SCAPER: variants seen among roughly 807,000 people sequenced by gnomAD.
The protein encoded by SCAPER is S-phase cyclin A associated protein in the ER.
In SCAPER, 98 loss-of-function variants were observed where a neutral mutation model predicts 182.2. The observed-to-expected ratio is 0.54, with a 90% confidence interval of 0.46 to 0.64. The LOEUF is 0.64. Ranked by LOEUF, SCAPER falls within the 30% of genes least tolerant of loss-of-function variation. The pLI, the probability that SCAPER is intolerant of heterozygous loss-of-function variation, is 0.00. For missense variants in SCAPER, 1,432 were observed against 1,690.0 expected, an observed-to-expected ratio of 0.85 and a Z score of 2.68; for synonymous variants, 605 against 564.6, an observed-to-expected ratio of 1.07 and a Z score of -1.01.
At chr15:76,645,451 C>T (rs1408752908) in intron 21 of SCAPER, among the ~76,000 whole-genome samples, 1 of 151,938 alleles carries the variant, frequency 6.6e-6, no homozygotes, top group Admixed American at 6.6e-5. Flanking sequence ...AGACTACTTG[C>T]ATTTTGCTCA....
intron 22 of SCAPER, among the ~76,000 whole-genome samples, chr15:76,608,993 C>T (rs1165633009): frequency 1.3e-5 from 2 of 152,324 alleles, no homozygotes; most frequent in South Asian, 2.1e-4. Context: ...ATGCCTCGCC[C>T]TGCTTCGGCT....
Position 76,632,962 on chromosome 15 carries a change from AC to A in SCAPER, c.2646-11134del, listed in dbSNP as rs554789985. Among the ~76,000 whole-genome samples the A allele has an allele frequency of 3.0e-3, 451 of 151,750 alleles. 1 individual carries two copies. The highest frequency in any genetic ancestry group is 5.7e-3 in the Non-Finnish European group (385 of 67,880). ...GCTCAATTTTGTATTTTTAATAGAG[AC>A]AGGGTTTCACCATATTGGCCAGGCT... On this transcript the variant is annotated intron_variant, in intron 21 of 31. Transcript: ENST00000563290.
chr15:76,363,944 C>G (rs1458707760), intron 29 of SCAPER, among the ~76,000 whole-genome samples: 1 of 152,104 alleles, frequency 6.6e-6, no homozygotes, highest in Non-Finnish European at 1.5e-5. Flanking sequence ...GGCCTAGGAG[C>G]AATATGACAA....
At chr15:76,376,889 CA>C (rs1200402596) in intron 28 of SCAPER, among the ~76,000 whole-genome samples, 1 of 152,170 alleles carries the variant, frequency 6.6e-6, no homozygotes, top group African/African-American at 2.4e-5. Context: ...TGAAATCCCT[CA>C]GCTATGGGAC....
chr15:76,720,667 C>T (rs2060177434), intron 17 of SCAPER, among the ~76,000 whole-genome samples: 1 of 152,210 alleles, frequency 6.6e-6, no homozygotes. Context: ...ATTTGCATTT[C>T]TCTGATGGAG....
intron 17 of SCAPER, among the ~76,000 whole-genome samples, chr15:76,718,495 G>A (rs1258873111): frequency 6.6e-6 from 1 of 151,988 alleles, no homozygotes; most frequent in African/African-American, 2.4e-5. Context: ...TCGAAAATCA[G>A]CCACGCATGG....
At chr15:76,585,089 C>T (rs1236810124) in intron 22 of SCAPER, among the ~76,000 whole-genome samples, 2 of 152,066 alleles carry the variant, frequency 1.3e-5, no homozygotes, top group Non-Finnish European at 2.9e-5. Flanking sequence ...AATTCTGGCT[C>T]CAGCACACAC....
intron 30 of SCAPER, among the ~76,000 whole-genome samples, chr15:76,352,668 G>A (rs981314643): frequency 2.6e-5 from 4 of 151,476 alleles, no homozygotes; most frequent in African/African-American, 7.3e-5. Context: ...CAGGCTGGTC[G>A]CAAACTCCTG....
intron 1 of SCAPER, among the ~76,000 whole-genome samples, chr15:76,904,451 G>C (rs1375124919): frequency 6.6e-6 from 1 of 152,162 alleles, no homozygotes; most frequent in Admixed American, 6.5e-5. Flanking sequence ...GTCACAACTA[G>C]AATAAGAGAT....
intron 17 of SCAPER, among the ~76,000 whole-genome samples, chr15:76,723,622 G>T (rs2060400203): frequency 6.6e-6 from 1 of 152,162 alleles, no homozygotes; most frequent in Admixed American, 6.5e-5. Flanking sequence ...CTCCTGTATT[G>T]GGTGCATGTA....
intron 24 of SCAPER, among the ~76,000 whole-genome samples, chr15:76,495,422 A>G (rs890903822): frequency 2.6e-5 from 4 of 151,882 alleles, no homozygotes; most frequent in African/African-American, 9.7e-5. Context: ...TACTAAAAAT[A>G]CAAAAATTAC....
intron 17 of SCAPER, among the ~76,000 whole-genome samples, chr15:76,706,602 A>C (rs2059274165): frequency 6.6e-6 from 1 of 152,150 alleles, no homozygotes; most frequent in Admixed American, 6.5e-5. Context: ...GAAGGTGAAG[A>C]GATTACTCCC....
At chr15:76,813,295 ATAG>A (rs1490682380) in intron 5 of SCAPER, among the ~76,000 whole-genome samples, 1 of 149,294 alleles carries the variant, frequency 6.7e-6, no homozygotes, top group African/African-American at 2.5e-5. Context: ...TTTCCTCAAT[ATAG>A]TAGAAGTCAT....
At position 76,544,754 on chromosome 15, in the gene SCAPER, C is replaced by T. The variant is rs1208255134; in HGVS notation, c.2838+29404G>A. Among the ~76,000 whole-genome samples, 3 of 152,046 alleles carry T rather than the reference C, an allele frequency of 2.0e-5. No individual in the cohort carries two copies. In the East Asian group the frequency reaches 5.8e-4, roughly 29 times the overall value. ...AAAATTGATTGTGCTGATGGTTGCA[C>T]AACTCTTTGACTATACCAAAAAACA... On this transcript the variant is annotated intron_variant, in intron 23 of 31. Coordinates refer to ENST00000563290, the MANE Select transcript of SCAPER (RefSeq NM_020843.4).
At chr15:76,770,985 A>G (rs1249708939) in intron 10 of SCAPER, among the ~76,000 whole-genome samples, 1 of 152,154 alleles carries the variant, frequency 6.6e-6, no homozygotes, top group East Asian at 1.9e-4. Context: ...TATAAAATGT[A>G]TAATTTTACC....
chr15:76,870,240 AAAG>A (rs2072611394), intron 2 of SCAPER, among the ~76,000 whole-genome samples: 3 of 152,184 alleles, frequency 2.0e-5, no homozygotes, highest in Non-Finnish European at 4.4e-5. Flanking sequence ...AATAGCTAGA[AAAG>A]AATAATTTGA....
chr15:76,612,515 C>T (rs1453398726), intron 22 of SCAPER, among the ~76,000 whole-genome samples: 4 of 152,142 alleles, frequency 2.6e-5, no homozygotes, highest in Admixed American at 2.6e-4. Context: ...TGATTACAGG[C>T]ATGAGGCACT....
At chr15:76,708,430 A>T (rs916517057) in intron 17 of SCAPER, among the ~76,000 whole-genome samples, 19 of 152,052 alleles carry the variant, frequency 1.2e-4, no homozygotes, top group Admixed American at 1.1e-3. Context: ...GTATACCTTT[A>T]AATATTTATA....
chr15:76,804,969 G>A (rs1174626306), intron 5 of SCAPER, among the ~76,000 whole-genome samples: 1 of 152,114 alleles, frequency 6.6e-6, no homozygotes, highest in African/African-American at 2.4e-5. Flanking sequence ...AGTCACTCCA[G>A]AGGCTGAGGC....
Sources: allele counts gnomAD v4.1 joint callset (sites outside exome capture counted in the v4.1 genomes callset), GRCh38; gene constraint gnomAD v4.1.1; transcripts MANE v1.5; gene names NCBI Gene and HGNC (gene_info 2026-07-23, HGNC 2026-07-21).